Variants in GPC6 observed in about 807,000 individuals in gnomAD.
The protein encoded by GPC6 is glypican-6.
Under a neutral mutation model 55.2 loss-of-function variants are expected in GPC6, and 14 were observed. The ratio of observed to expected loss-of-function variants is 0.25; its 90% confidence interval spans 0.17 to 0.40. The LOEUF (loss-of-function observed/expected upper bound fraction) is 0.40, where lower values mean the gene tolerates loss of function less well. Among genes scored for constraint, GPC6 ranks in the 10% least tolerant of loss-of-function variants. The pLI, the probability that GPC6 is intolerant of heterozygous loss-of-function variation, is 1.00. For synonymous variants in GPC6, 278 were observed against 259.6 expected, an observed-to-expected ratio of 1.07 and a Z score of -0.68; for missense variants, 641 against 708.5, an observed-to-expected ratio of 0.90 and a Z score of 1.08.
At chr13:93,497,407 C>G (rs958886367) in intron 1 of GPC6, among the ~76,000 whole-genome samples, 6 of 152,198 alleles carry the variant, frequency 3.9e-5, no homozygotes, top group Admixed American at 1.3e-4. Flanking sequence ...GAAAGAGAAG[C>G]ATCAGCGCTT....
At chr13:94,325,406 A>G (rs540296040) in intron 6 of GPC6, among the ~76,000 whole-genome samples, 3 of 152,294 alleles carry the variant, frequency 2.0e-5, no homozygotes, top group East Asian at 1.9e-4. Context: ...CGTTAAATCA[A>G]CTATGCATCT....
At chr13:93,706,832 T>A (rs1882862627) in intron 2 of GPC6, among the ~76,000 whole-genome samples, 1 of 151,934 alleles carries the variant, frequency 6.6e-6, no homozygotes, top group East Asian at 1.9e-4. Flanking sequence ...TACAGTCTAG[T>A]GGCAGAGACA....
chr13:93,593,657 A>T (rs962803522), intron 2 of GPC6, among the ~76,000 whole-genome samples: 1 of 152,104 alleles, frequency 6.6e-6, no homozygotes. Flanking sequence ...AAAATATCCA[A>T]TTATTCATTG....
At chr13:93,839,000 A>G (rs1249491453) in intron 3 of GPC6, among the ~76,000 whole-genome samples, 2 of 152,214 alleles carry the variant, frequency 1.3e-5, no homozygotes, top group African/African-American at 4.8e-5. Context: ...CTGAAAACAA[A>G]GACAAATGAT....
intron 7 of GPC6, among the ~76,000 whole-genome samples, chr13:94,385,526 T>C (rs1049797980): frequency 6.6e-6 from 1 of 152,242 alleles, no homozygotes; most frequent in African/African-American, 2.4e-5. Context: ...ATAAAATATA[T>C]CTTTTATTAT....
intron 6 of GPC6, among the ~76,000 whole-genome samples, chr13:94,370,733 A>C (rs1879504895): frequency 6.6e-6 from 1 of 152,230 alleles, no homozygotes; most frequent in African/African-American, 2.4e-5. Flanking sequence ...CACCTCTATC[A>C]GCAAAATATT....
At chr13:93,449,770 G>C (rs8000632) in intron 1 of GPC6, among the ~76,000 whole-genome samples, 32,561 of 151,568 alleles carry the variant, frequency 0.21, 3,612 homozygotes, top group Middle Eastern at 0.28. Flanking sequence ...AGAGGTTGCA[G>C]TGAGCTGAGA....
chr13:94,116,566 G>T (rs1011421810), intron 4 of GPC6, among the ~76,000 whole-genome samples: 1 of 152,008 alleles, frequency 6.6e-6, no homozygotes, highest in Non-Finnish European at 1.5e-5. Context: ...TTTCTTTCCT[G>T]TCATATTATC....
At chr13:93,576,592 T>A (rs1594281563) in intron 2 of GPC6, among the ~76,000 whole-genome samples, 1 of 152,146 alleles carries the variant, frequency 6.6e-6, no homozygotes, top group East Asian at 1.9e-4. Context: ...AATTTGCCTT[T>A]TATTATTGAT....
intron 2 of GPC6, among the ~76,000 whole-genome samples, chr13:93,732,237 G>C (rs1384187373): frequency 3.9e-5 from 6 of 152,036 alleles, no homozygotes; most frequent in Non-Finnish European, 7.3e-5. Flanking sequence ...GCACAGCCAG[G>C]GAGTAATTTC....
rs558766420 is a variant in GPC6, at chr13:93,689,440, G to A, written c.320-140714G>A. On this transcript the variant is annotated intron_variant, in intron 2 of 8. Transcript: ENST00000377047. ...AAATCTTACATGAGTGCAAAACAAG[G>A]AGTATCAAGCACATTAGGGGGGATT... Among the ~76,000 whole-genome samples the A allele has an allele frequency of 9.3e-4, 142 of 152,162 alleles. 1 individual carries two copies. The highest frequency in any genetic ancestry group is 1.6e-3 in the Non-Finnish European group (106 of 67,966).
At chr13:93,552,615 C>A (rs1246569075) in intron 2 of GPC6, among the ~76,000 whole-genome samples, 1 of 152,146 alleles carries the variant, frequency 6.6e-6, no homozygotes, top group African/African-American at 2.4e-5. Context: ...AAGACCCCTA[C>A]CACACACCTC....
intron 2 of GPC6, among the ~76,000 whole-genome samples, chr13:93,554,966 C>T (rs1875379734): frequency 6.6e-6 from 1 of 152,204 alleles, no homozygotes; most frequent in Non-Finnish European, 1.5e-5. Flanking sequence ...AGTCTTCACA[C>T]TGTTTCCTCC....
chr13:94,143,820 A>G (rs1887465218), intron 4 of GPC6, among the ~76,000 whole-genome samples: 1 of 152,142 alleles, frequency 6.6e-6, no homozygotes, highest in Non-Finnish European at 1.5e-5. Context: ...GAGCCTGGGA[A>G]GTCCAGGCTG....
chr13:94,140,046 A>G (rs1307377941), intron 4 of GPC6, among the ~76,000 whole-genome samples: 1 of 151,522 alleles, frequency 6.6e-6, no homozygotes, highest in Non-Finnish European at 1.5e-5. Context: ...TTTTTTTTTA[A>G]TAAGCCCATT....
intron 1 of GPC6, among the ~76,000 whole-genome samples, chr13:93,360,523 C>A (rs1881008647): frequency 6.6e-6 from 1 of 152,096 alleles, no homozygotes. Flanking sequence ...AAAATAATAT[C>A]ATGGATTTAT....
chr13:93,741,511 G>A (rs557990697), intron 2 of GPC6, among the ~76,000 whole-genome samples: 64 of 152,170 alleles, frequency 4.2e-4, no homozygotes, highest in Middle Eastern at 3.4e-3. Flanking sequence ...TCATGCTCAT[G>A]CTCATCTCAC....
intron 1 of GPC6, among the ~76,000 whole-genome samples, chr13:93,511,146 C>G (rs1429903214): frequency 6.7e-6 from 1 of 149,204 alleles, no homozygotes; most frequent in East Asian, 1.9e-4. Flanking sequence ...AACAGGTTGT[C>G]TCTTTACTCT....
At chr13:94,380,345 G>C (rs1004770320) in intron 6 of GPC6, among the ~76,000 whole-genome samples, 1 of 152,014 alleles carries the variant, frequency 6.6e-6, no homozygotes, top group Non-Finnish European at 1.5e-5. Flanking sequence ...CCTATTGTGG[G>C]CACGCCTTTA....
Sources: allele counts gnomAD v4.1 joint callset (sites outside exome capture counted in the v4.1 genomes callset), GRCh38; gene constraint gnomAD v4.1.1; transcripts MANE v1.5; gene names NCBI Gene and HGNC (gene_info 2026-07-23, HGNC 2026-07-21).